CCDC85A: variants seen among roughly 807,000 people sequenced by gnomAD.
CCDC85A encodes the protein coiled-coil domain containing 85A, also known as coiled-coil domain-containing protein 85A.
A neutral mutation model predicts 50.2 loss-of-function variants in CCDC85A; 38 were observed. The observed-to-expected ratio is 0.76, with a 90% CI of 0.58 to 0.99. The LOEUF is 0.99. Among genes scored for constraint, CCDC85A ranks in the 50% least tolerant of loss-of-function variants. The pLI is 0.00. For missense variants in CCDC85A, 820 were observed against 742.0 expected, an observed-to-expected ratio of 1.11 and a Z score of -1.22; for synonymous variants, 366 against 301.4, an observed-to-expected ratio of 1.21 and a Z score of -2.22.
At chr2:56,294,718 T>C (rs1477990533) in intron 2 of CCDC85A, among the ~76,000 whole-genome samples, 2 of 152,210 alleles carry the variant, frequency 1.3e-5, no homozygotes, top group Non-Finnish European at 2.9e-5. Flanking sequence ...TAGAGATTTA[T>C]GTATGAAAAA....
Position 56,193,258 on chromosome 2 carries a change from G to T in CCDC85A, c.1058G>T (p.Arg353Ile). 1 of 1,611,524 alleles carries T rather than the reference G, an allele frequency of 6.2e-7. No homozygotes were observed. Among genetic ancestry groups the T allele is most frequent in the Non-Finnish European group, 8.5e-7 (1 of 1,179,084 alleles). ...ALGGSLEHLP[R>I]ARGTSPEHLK... ...GGGGGGAGCCTAGAGCATCTCCCCA[G>T]AGCCAGGGGCACCAGCCCGGAGCAC... is the stretch of plus-strand genomic sequence containing the variant. Residue 353 changes from arginine to isoleucine, a missense_variant, in exon 2 of 6, where the codon AGA becomes ATA. Arg to Ile is a moderately conservative substitution (Grantham distance 97). Transcript: ENST00000407595.
intron 3 of CCDC85A, among the ~76,000 whole-genome samples, chr2:56,357,009 G>A (rs1259973362): frequency 5.9e-5 from 9 of 151,666 alleles, no homozygotes; most frequent in Non-Finnish European, 1.2e-4. Context: ...AACCTGGGAG[G>A]CGGAGCTTGC....
At chr2:56,362,635 G>A (rs1047487411) in intron 3 of CCDC85A, among the ~76,000 whole-genome samples, 2 of 151,006 alleles carry the variant, frequency 1.3e-5, no homozygotes, top group African/African-American at 2.4e-5. Flanking sequence ...TCGCTCTGTT[G>A]CCCAGTGAAG....
chr2:56,284,042 A>G (rs1410301708), intron 2 of CCDC85A, among the ~76,000 whole-genome samples: 1 of 152,024 alleles, frequency 6.6e-6, no homozygotes, highest in Admixed American at 6.6e-5. Context: ...CTTTATTTAC[A>G]TCTCATAAAT....
chr2:56,338,841 G>A (rs1391742146), intron 2 of CCDC85A, among the ~76,000 whole-genome samples: 1 of 151,560 alleles, frequency 6.6e-6, no homozygotes, highest in Non-Finnish European at 1.5e-5. Context: ...GTATATTCCA[G>A]AAAAATATTT....
intron 2 of CCDC85A, among the ~76,000 whole-genome samples, chr2:56,285,216 C>T (rs1045261616): frequency 1.3e-5 from 2 of 151,446 alleles, no homozygotes; most frequent in African/African-American, 4.8e-5. Context: ...ATTCACCTGC[C>T]TCGGCCTCCC....
intron 2 of CCDC85A, among the ~76,000 whole-genome samples, chr2:56,224,189 G>C (rs1030299156): frequency 6.6e-6 from 1 of 152,060 alleles, no homozygotes; most frequent in Non-Finnish European, 1.5e-5. Flanking sequence ...TTCTGTTATG[G>C]ACATTTCATA....
At chr2:56,261,613 G>A (rs1285307175) in intron 2 of CCDC85A, among the ~76,000 whole-genome samples, 6 of 152,290 alleles carry the variant, frequency 3.9e-5, no homozygotes, top group Middle Eastern at 3.4e-3. Flanking sequence ...GGTAACATAC[G>A]CATGTCATGG....
At chr2:56,359,392 G>C (rs1330720552) in intron 3 of CCDC85A, among the ~76,000 whole-genome samples, 1 of 152,174 alleles carries the variant, frequency 6.6e-6, no homozygotes, top group Non-Finnish European at 1.5e-5. Flanking sequence ...TCGTCGAATA[G>C]GAAATTTGTA....
intron 2 of CCDC85A, among the ~76,000 whole-genome samples, chr2:56,277,246 G>C (rs1443576963): frequency 6.6e-6 from 1 of 152,132 alleles, no homozygotes; most frequent in Non-Finnish European, 1.5e-5. Context: ...GGGAAAGGAG[G>C]TAAAATTTAA....
intron 2 of CCDC85A, among the ~76,000 whole-genome samples, chr2:56,259,376 G>A (rs1670124031): frequency 6.6e-6 from 1 of 152,166 alleles, no homozygotes; most frequent in South Asian, 2.1e-4. Flanking sequence ...AATGGGCCCT[G>A]GCTTCCCCGG....
intron 2 of CCDC85A, among the ~76,000 whole-genome samples, chr2:56,195,095 A>C (rs1676473586): frequency 6.6e-6 from 1 of 152,222 alleles, no homozygotes; most frequent in Non-Finnish European, 1.5e-5. Context: ...CATTAAAAGG[A>C]AACTTTGTCT....
chr2:56,238,225 G>A (rs1462971395), intron 2 of CCDC85A, among the ~76,000 whole-genome samples: 2 of 152,026 alleles, frequency 1.3e-5, no homozygotes, highest in Non-Finnish European at 2.9e-5. Flanking sequence ...AGACCAGCCT[G>A]GCCAACATGG....
At chr2:56,295,429 T>C (rs1671903080) in intron 2 of CCDC85A, among the ~76,000 whole-genome samples, 1 of 152,200 alleles carries the variant, frequency 6.6e-6, no homozygotes, top group South Asian at 2.1e-4. Flanking sequence ...GGCATAAATA[T>C]AATTGATTAA....
chr2:56,384,085 G>A (rs1676716491), intron 5 of CCDC85A, among the ~76,000 whole-genome samples, 181 bp from the exon 6 acceptor site: 1 of 151,782 alleles, frequency 6.6e-6, no homozygotes, highest in African/African-American at 2.4e-5. Context: ...CTACTAAGTA[G>A]TTCTTGTGTT....
At chr2:56,368,059 C>G (rs1033536620) in intron 3 of CCDC85A, among the ~76,000 whole-genome samples, 8 of 152,110 alleles carry the variant, frequency 5.3e-5, no homozygotes, top group Admixed American at 3.3e-4. Context: ...CTGTGTTTCT[C>G]TTTCAACAAA....
In CCDC85A at chr2:56,284,904, A is replaced by G. The variant is rs1671363056; in HGVS notation, c.1241-57975A>G. Among the ~76,000 whole-genome samples, 3 of 152,134 alleles carry G rather than the reference A, an allele frequency of 2.0e-5. No individual in the cohort carries two copies. In the South Asian group the frequency reaches 6.2e-4, roughly 31 times the overall value. The stretch of plus-strand genomic sequence containing the variant: ...GTCTTAAAGACTATTTTTTGTTATT[A>G]ACATAACCACACCAGCTTTCTTATG... On this transcript the variant is annotated intron_variant, in intron 2 of 5. Coordinates refer to ENST00000407595, the MANE Select transcript of CCDC85A (RefSeq NM_001080433.2).
chr2:56,304,989 G>T (rs1277137226), intron 2 of CCDC85A, among the ~76,000 whole-genome samples: 1 of 151,018 alleles, frequency 6.6e-6, no homozygotes, highest in African/African-American at 2.4e-5. Context: ...TTTAGTCCCA[G>T]CTATTCAGGA....
At chr2:56,214,127 A>G (rs577292321) in intron 2 of CCDC85A, among the ~76,000 whole-genome samples, 3 of 151,668 alleles carry the variant, frequency 2.0e-5, no homozygotes, top group African/African-American at 7.3e-5. Context: ...AGTATATATA[A>G]TATGTTAAGA....
Sources: allele counts gnomAD v4.1 joint callset (sites outside exome capture counted in the v4.1 genomes callset), GRCh38; gene constraint gnomAD v4.1.1; transcripts MANE v1.5; gene names NCBI Gene and HGNC (gene_info 2026-07-23, HGNC 2026-07-21).